Variants in MUC17 observed in about 807,000 individuals in gnomAD.
MUC17 encodes mucin-17.
A neutral mutation model predicts 170.3 loss-of-function variants in MUC17; 190 were observed. The observed-to-expected ratio is 1.12, with a 90% CI of 0.99 to 1.26. The LOEUF is 1.26. MUC17 is among the 50% of genes most tolerant of loss of function. The pLI, the probability that MUC17 is intolerant of heterozygous loss-of-function variation, is 0.00. For missense variants in MUC17, 6,415 were observed against 5,530.0 expected, an observed-to-expected ratio of 1.16 and a Z score of -5.08; for synonymous variants, 2,325 against 2,002.5, an observed-to-expected ratio of 1.16 and a Z score of -4.30.
Position 101,040,696 on chromosome 7 carries a change from A to G in MUC17, c.9280A>G (p.Ser3094Gly). 1.9e-6 allele frequency: 3 copies of G among 1,613,286 alleles called. No homozygotes were observed. The highest frequency in any genetic ancestry group is 2.5e-6 in the Non-Finnish European group (3 of 1,179,806). The change falls in exon 3 of 13, where the codon AGC becomes GGC. Residue 3094 changes from serine (S) to glycine (G), a missense_variant. Physicochemically the swap from Ser to Gly is moderately conservative, Grantham distance 56 (BLOSUM62 0). Transcript: ENST00000306151. Reference protein sequence around the residue: ...SSSPTPAEGTSMPISTYSEGS... With the variant: ...SSSPTPAEGTGMPISTYSEGS... ...ATCTCCTACACCTGCTGAAGGTACC[A>G]GCATGCCAATCTCAACTTATAGTGA...
In MUC17 at chr7:101,050,508, T is replaced by C; in HGVS notation, c.12747T>C (p.His4249=). The part of the protein sequence containing the change: ...KLRLGSVVVE[H]DVLLRTKYTP... ...GTCTTGGCAGTGTGGTGGTGGAGCA[T>C]GACGTCCTCCTAAGAACCAAGTACA... Residue 4249 remains histidine (H), a synonymous_variant, in exon 7 of 13, where the codon CAT becomes CAC. Coordinates refer to ENST00000306151, the MANE Select transcript of MUC17 (RefSeq NM_001040105.2). 1 of 1,613,994 alleles carries C rather than the reference T, an allele frequency of 6.2e-7. No homozygotes were observed. Among genetic ancestry groups the C allele is most frequent in the Non-Finnish European group, 8.5e-7 (1 of 1,179,908 alleles).
Position 101,032,432 on chromosome 7 carries a change from C to G in MUC17, c.1016C>G (p.Thr339Arg). Reference protein sequence around the residue: ...YTEGSTPLTSTPASTMPVATS... With the variant: ...YTEGSTPLTSRPASTMPVATS... Reference sequence around the variant, plus strand: ...GAAGGAAGCACTCCATTAACAAGTACGCCTGCCAGCACCATGCCGGTTGCC... The same window carrying G: ...GAAGGAAGCACTCCATTAACAAGTAGGCCTGCCAGCACCATGCCGGTTGCC... The change falls in exon 3 of 13, where the codon ACG becomes AGG. Residue 339 changes from threonine (T) to arginine (R), a missense_variant. Transcript: ENST00000306151. 6.2e-7 allele frequency: 1 copy of G among 1,609,866 alleles called. No homozygotes were observed. The highest frequency in any genetic ancestry group is 2.2e-5 in the East Asian group (1 of 44,690).
chr7:101,052,059 C>G, intron 9 of MUC17, 97 bp downstream of exon 9: 3 of 1,424,418 alleles, frequency 2.1e-6, no homozygotes, highest in Non-Finnish European at 2.9e-6. Flanking sequence ...AGACCAAGGT[C>G]ATGGGACTAG....
In MUC17 at chr7:101,058,246, G is replaced by T; in HGVS notation, c.*202G>T. 4.6e-6 allele frequency: 2 copies of T among 431,068 alleles called. No individual in the cohort carries two copies. Among genetic ancestry groups the T allele is most frequent in the Non-Finnish European group, 8.3e-6 (2 of 240,048 alleles). The allele number at this position is 431,068 out of a possible 1,614,324, so 26.7% of individuals were successfully genotyped here. A position where few individuals can be genotyped will look rare whatever the true frequency, so the allele number is the denominator to read the frequency against. ...ATAGAAACCCGTGGACGCTCCAATG[G>T]GCTTGTCATGATATCAGGCTAGGCT... is the stretch of plus-strand genomic sequence containing the variant. On this transcript the variant is annotated 3_prime_UTR_variant, in exon 13 of 13. Transcript: ENST00000306151.
rs763319222 is a variant in MUC17, at chr7:101,031,869, A to AC, written c.455dup (p.Ser153LysfsTer2). 2 of 1,614,152 alleles carry AC rather than the reference A, an allele frequency of 1.2e-6. No homozygotes were observed. Among genetic ancestry groups the AC allele is most frequent in the Admixed American group, 3.3e-5 (2 of 60,022 alleles). The stretch of plus-strand genomic sequence containing the variant: ...AAGGCACCGACGTGCCCATGTCAAC[A>AC]CCAAGTGAAGAAAGCATTTCATCAA... On this transcript the variant is annotated frameshift_variant, in exon 3 of 13. Coordinates refer to ENST00000306151, the MANE Select transcript of MUC17 (RefSeq NM_001040105.2). LOFTEE classifies it high-confidence loss of function.
chr7:101,035,426 C>T lies in MUC17; in HGVS notation c.4010C>T (p.Thr1337Ile), dbSNP rs192344278. Residue 1337 changes from threonine (T) to isoleucine (I), a missense_variant, in exon 3 of 13, where the codon ACT becomes ATT. Transcript: ENST00000306151. ...MPTSTYSEGR[T>I]PLTSIPVNTT... is the part of the protein sequence containing the mutation. ...ACCTCAACTTATAGTGAAGGAAGAACTCCTTTAACAAGTATACCTGTCAAC... is the reference window on the plus strand; with the variant it reads ...ACCTCAACTTATAGTGAAGGAAGAATTCCTTTAACAAGTATACCTGTCAAC... 6.2e-7 allele frequency: 1 copy of T among 1,603,546 alleles called. No individual in the cohort carries two copies. Among genetic ancestry groups the T allele is most frequent in the South Asian group, 1.1e-5 (1 of 90,476 alleles).
At position 101,051,760 on chromosome 7, in the gene MUC17, C is replaced by A. The variant is rs747811533; in HGVS notation, c.12944-43C>A. 1.9e-5 allele frequency: 31 copies of A among 1,605,822 alleles called. No individual in the cohort carries two copies. The Admixed American group carries it at 5.2e-4, about 27-fold the overall frequency. On this transcript the variant is annotated intron_variant, in intron 8 of 12. Coordinates refer to ENST00000306151, the MANE Select transcript of MUC17 (RefSeq NM_001040105.2). ...GAGGAGTGGGACAGTGTCCCCCCAG[C>A]CCTCTGATCACGGCTGTTCCCTGTC...
In MUC17 at chr7:101,041,533, A is replaced by T. The variant is rs1794704657; in HGVS notation, c.10117A>T (p.Thr3373Ser). The T allele has an allele frequency of 1.2e-6, 2 of 1,613,232 alleles. No homozygotes were observed. The highest frequency in any genetic ancestry group is 8.5e-7 in the Non-Finnish European group (1 of 1,179,860). The change falls in exon 3 of 13, where the codon ACT becomes TCT. Residue 3373 changes from threonine (T) to serine (S), a missense_variant. Physicochemically the swap from Thr to Ser is moderately conservative, Grantham distance 58. Coordinates refer to ENST00000306151, the MANE Select transcript of MUC17 (RefSeq NM_001040105.2). ...TGTTGACACCAGCACACCTGTCACC[A>T]CTTCTACTGAAGCCAGTTTATCTCC... ...TPVDTSTPVT[T>S]STEASLSPTT...
At chr7:101,052,866 G>GC in intron 9 of MUC17, 120 bp from the exon 10 acceptor site, 1 of 1,233,780 alleles carries the variant, frequency 8.1e-7, no homozygotes, top group Non-Finnish European at 1.1e-6. Context: ...CTTGCTTTAT[G>GC]CCCCCTGGCA....
intron 1 of MUC17, among the ~76,000 whole-genome samples, chr7:101,027,617 G>T (rs1380029857): frequency 1.3e-5 from 2 of 152,064 alleles, no homozygotes; most frequent in East Asian, 1.9e-4. Flanking sequence ...GAATTTTTTG[G>T]AGCTGTGGGC....
chr7:101,052,981 C>T lies in MUC17; in HGVS notation c.13104-5C>T. 1 of 1,611,180 alleles carries T rather than the reference C, an allele frequency of 6.2e-7. No homozygotes were observed. The highest frequency in any genetic ancestry group is 1.1e-5 in the South Asian group (1 of 90,680). On this transcript the variant is annotated splice_polypyrimidine_tract_variant and splice_region_variant and intron_variant, in intron 9 of 12. Coordinates refer to ENST00000306151, the MANE Select transcript of MUC17 (RefSeq NM_001040105.2). ...CCCCAACCTGCCGCTTCTCTCCCAT[C>T]TCAGCTGCGTGACCACGGAAACTCA...
In MUC17 at chr7:101,054,750, G is replaced by A. The variant is rs10229747; in HGVS notation, c.13363+1314G>A. Among the ~76,000 whole-genome samples, 801 of 152,242 alleles carry A rather than the reference G, an allele frequency of 5.3e-3. 7 individuals are homozygous for A. The highest frequency in any genetic ancestry group is 0.018 in the African/African-American group (747 of 41,542). On this transcript the variant is annotated intron_variant, in intron 11 of 12. Transcript: ENST00000306151. ...CAGGAGGATCACTTGAGCCCAGGAGGTCAAGGCTGCGTGAGCTATGATTGC... is the reference window on the plus strand; with the variant it reads ...CAGGAGGATCACTTGAGCCCAGGAGATCAAGGCTGCGTGAGCTATGATTGC...
chr7:101,046,083 G>A (rs778770752), intron 3 of MUC17, among the ~76,000 whole-genome samples: 1 of 152,184 alleles, frequency 6.6e-6, no homozygotes, highest in Non-Finnish European at 1.5e-5. Context: ...GAGATAGAGG[G>A]AGGAGACTGA....
At chr7:101,021,610 C>A (rs1370025202) in intron 1 of MUC17, among the ~76,000 whole-genome samples, 1 of 152,074 alleles carries the variant, frequency 6.6e-6, no homozygotes, top group Non-Finnish European at 1.5e-5. Flanking sequence ...GGCCTCTCCC[C>A]ACTTTCTGCG....
Position 101,048,035 on chromosome 7 carries a change from C to T in MUC17, c.12455C>T (p.Thr4152Ile), listed in dbSNP as rs143621027. 565 of 1,607,916 alleles carry T rather than the reference C, an allele frequency of 3.5e-4. 1 individual carries two copies. The Middle Eastern group carries it at 3.9e-3, about 11-fold the overall frequency. The change falls in exon 4 of 13, where the codon ACC (threonine) becomes ATC (isoleucine). Residue 4152 changes from threonine to isoleucine, a missense_variant. Thr to Ile is a moderately conservative substitution (Grantham distance 89, BLOSUM62 -1). Transcript: ENST00000306151. ...GCCTCTCGCTGCAAGAATGGAGGCA[C>T]CTGGGATGGGCTCAAGTGCCAGTGT... ...NTASRCKNGG[T>I]WDGLKCQCPN...
Position 101,051,699 on chromosome 7 carries a change from G to T in MUC17, c.12943+18G>T, listed in dbSNP as rs1409363587. The T allele has an allele frequency of 6.2e-7, 1 of 1,610,022 alleles. No individual in the cohort carries two copies. Among genetic ancestry groups the T allele is most frequent in the Non-Finnish European group, 8.5e-7 (1 of 1,178,022 alleles). On this transcript the variant is annotated intron_variant, in intron 8 of 12. Transcript: ENST00000306151. ...CCCTGAAGGTAGGTGATAACACAAG[G>T]GGTTTGGGGGAAGGCTGGAGAGGTG... is the stretch of plus-strand genomic sequence containing the variant.
intron 1 of MUC17, among the ~76,000 whole-genome samples, chr7:101,029,193 AAG>A (rs1794233358): frequency 7.2e-6 from 1 of 139,502 alleles, no homozygotes; most frequent in African/African-American, 2.7e-5. Context: ...CATCTCAAAA[AAG>A]AAAAAAAAAA....
chr7:101,050,646 G>T lies in MUC17; in HGVS notation c.12874+11G>T. On this transcript the variant is annotated intron_variant, in intron 7 of 12. Coordinates refer to ENST00000306151, the MANE Select transcript of MUC17 (RefSeq NM_001040105.2). ...ATGATATTTGCTCAGGTGAACTCTG[G>T]GCTTCCAGGGAGGGAAGGGAGAAGG... 1 of 1,611,840 alleles carries T rather than the reference G, an allele frequency of 6.2e-7. No individual in the cohort carries two copies. The highest frequency in any genetic ancestry group is 8.5e-7 in the Non-Finnish European group (1 of 1,178,846).
chr7:101,056,930 T>C lies in MUC17; in HGVS notation c.13440+660T>C, dbSNP rs116249972. On this transcript the variant is annotated intron_variant, in intron 12 of 12. Transcript: ENST00000306151. ...TTTGGTCTTTTAATCTAGAATGGGC[T>C]CCTACATTTTTTAACATATTGCTTT... Among the ~76,000 whole-genome samples the C allele has an allele frequency of 8.8e-3, 1,346 of 152,264 alleles. 22 individuals carry two copies. The highest frequency in any genetic ancestry group is 0.031 in the African/African-American group (1,285 of 41,540).
Sources: allele counts gnomAD v4.1 joint callset (sites outside exome capture counted in the v4.1 genomes callset), GRCh38; gene constraint gnomAD v4.1.1; transcripts MANE v1.5; gene names NCBI Gene and HGNC (gene_info 2026-07-23, HGNC 2026-07-21).